BPGM: variants seen among roughly 807,000 people sequenced by gnomAD.
BPGM encodes the protein bisphosphoglycerate mutase.
Under a neutral mutation model 21.6 loss-of-function variants are expected in BPGM, and 15 were observed. The observed-to-expected ratio is 0.70, with a 90% CI of 0.47 to 1.07. BPGM has a LOEUF of 1.07. Ranked by LOEUF, BPGM falls within the 50% of genes least tolerant of loss-of-function variation. The pLI is 0.00. For missense variants in BPGM, 273 were observed against 319.0 expected, an observed-to-expected ratio of 0.86 and a Z score of 1.10; for synonymous variants, 113 against 116.2, an observed-to-expected ratio of 0.97 and a Z score of 0.18.
chr7:134,672,590 C>T (rs1795922617), intron 2 of BPGM, among the ~76,000 whole-genome samples: 1 of 152,118 alleles, frequency 6.6e-6, no homozygotes, highest in Non-Finnish European at 1.5e-5. Context: ...AGCAGTGTTT[C>T]CCTTTTCAGC....
chr7:134,667,694 G>A (rs900750401), intron 2 of BPGM, among the ~76,000 whole-genome samples: 10 of 152,170 alleles, frequency 6.6e-5, no homozygotes, highest in African/African-American at 2.4e-4. Flanking sequence ...ACTTGTGGCT[G>A]CAGATTCATC....
At position 134,661,246 on chromosome 7, in the gene BPGM, T is replaced by A. The variant is rs1270218175; in HGVS notation, c.-61-201T>A. On this transcript the variant is annotated intron_variant, in intron 1 of 2. Coordinates refer to ENST00000344924, the MANE Select transcript of BPGM (RefSeq NM_001724.5). This position sits in a 1 kb window ranked among gnomAD's most constrained non-coding sequence, Gnocchi z 4.6. ...AACATGCTATCCAAACATCAGAAAA[T>A]TTAAGTCAACTAGATTCCCTGTAAT... is the stretch of plus-strand genomic sequence containing the variant. Among the ~76,000 whole-genome samples the A allele has an allele frequency of 2.6e-5, 4 of 152,228 alleles. No individual in the cohort carries two copies. Among genetic ancestry groups the A allele is most frequent in the Non-Finnish European group, 5.9e-5 (4 of 68,050 alleles).
At chr7:134,668,890 T>A (rs1393637973) in intron 2 of BPGM, among the ~76,000 whole-genome samples, 2 of 99,494 alleles carry the variant, frequency 2.0e-5, no homozygotes, top group African/African-American at 9.9e-5. Context: ...TATCGGGAAA[T>A]AACAGATTGG....
At position 134,678,948 on chromosome 7, in the gene BPGM, C is replaced by G. The variant is rs1340360320; in HGVS notation, c.697C>G (p.Gln233Glu). The G allele has an allele frequency of 6.2e-7, 1 of 1,614,138 alleles. No individual in the cohort carries two copies. The highest frequency in any genetic ancestry group is 8.5e-7 in the Non-Finnish European group (1 of 1,180,000). The change falls in exon 3 of 3, where the codon CAG becomes GAG. Residue 233 changes from glutamine (Q) to glutamate (E), a missense_variant. Transcript: ENST00000344924. ...DENLRAVGPH[Q>E]FLGDQEAIQA... Reference sequence around the variant, plus strand: ...AAACCTGCGTGCTGTTGGGCCTCATCAGTTCCTGGGTGACCAAGAGGCGAT... The same window carrying G: ...AAACCTGCGTGCTGTTGGGCCTCATGAGTTCCTGGGTGACCAAGAGGCGAT...
At chr7:134,663,388 G>T (rs1265522981) in intron 2 of BPGM, among the ~76,000 whole-genome samples, 4 of 140,364 alleles carry the variant, frequency 2.8e-5, no homozygotes, top group African/African-American at 1.0e-4. Flanking sequence ...GTGTGTGTTT[G>T]TGTGTGTGCA....
intron 1 of BPGM, among the ~76,000 whole-genome samples, chr7:134,657,299 T>A (rs1189176285): frequency 6.6e-6 from 1 of 152,134 alleles, no homozygotes; most frequent in Non-Finnish European, 1.5e-5. Context: ...CTGCATAGGG[T>A]ACAGTGTGTG....
In BPGM at chr7:134,663,419, CAT is replaced by C. The variant is rs766607944; in HGVS notation, c.601+1312_601+1313del. Among the ~76,000 whole-genome samples the C allele has an allele frequency of 7.2e-4, 110 of 151,996 alleles. 1 individual carries two copies. Among genetic ancestry groups the C allele is most frequent in the Non-Finnish European group, 2.4e-4 (16 of 68,000 alleles). On this transcript the variant is annotated intron_variant, in intron 2 of 2. Transcript: ENST00000344924. The stretch of plus-strand genomic sequence containing the variant: ...GTGCACGTGCGCATGTGCGTGGGCA[CAT>C]GTGTATCTTATTTACTCAACTATAT...
chr7:134,663,663 T>A (rs10247058), intron 2 of BPGM, among the ~76,000 whole-genome samples: 15,907 of 152,052 alleles, frequency 0.1, 1,321 homozygotes, highest in African/African-American at 0.22. Context: ...GGTCTCAGAT[T>A]TATTGTGGCC....
At chr7:134,649,384 T>C (rs1795521228) in intron 1 of BPGM, among the ~76,000 whole-genome samples, 1 of 152,172 alleles carries the variant, frequency 6.6e-6, no homozygotes. Context: ...GGGTAGAGCT[T>C]TTAGTCTTTC....
chr7:134,677,924 G>C (rs1027197915), intron 2 of BPGM, among the ~76,000 whole-genome samples: 4 of 152,160 alleles, frequency 2.6e-5, no homozygotes, highest in Non-Finnish European at 2.9e-5. Context: ...TTTACTCTCT[G>C]TGTGATAATT....
At chr7:134,651,354 G>A (rs1795552370) in intron 1 of BPGM, among the ~76,000 whole-genome samples, 1 of 152,134 alleles carries the variant, frequency 6.6e-6, no homozygotes, top group African/African-American at 2.4e-5. Flanking sequence ...AGGGTCTTAG[G>A]CATTATTAAC....
Position 134,657,019 on chromosome 7 carries a change from A to G in BPGM, c.-61-4428A>G, listed in dbSNP as rs561689940. On this transcript the variant is annotated intron_variant, in intron 1 of 2. Coordinates refer to ENST00000344924, the MANE Select transcript of BPGM (RefSeq NM_001724.5). ...CCAAATGGGAGAAATTGGCCAAAAC[A>G]AAGGGGCTACAGCAGGCCCCATGCA... is the stretch of plus-strand genomic sequence containing the variant. Among the ~76,000 whole-genome samples the G allele has an allele frequency of 2.6e-5, 4 of 152,346 alleles. No individual in the cohort carries two copies. In the South Asian group the frequency reaches 8.3e-4, roughly 32 times the overall value.
At chr7:134,671,196 A>C (rs572792629) in intron 2 of BPGM, among the ~76,000 whole-genome samples, 65 of 152,242 alleles carry the variant, frequency 4.3e-4, no homozygotes, top group African/African-American at 1.5e-3. Context: ...GGTCTTGTTC[A>C]TGGTACAAGG....
In BPGM at chr7:134,679,099, ACTCT is replaced by A. The variant is rs762888396; in HGVS notation, c.*75_*78del. On this transcript the variant is annotated 3_prime_UTR_variant, in exon 3 of 3. Coordinates refer to ENST00000344924, the MANE Select transcript of BPGM (RefSeq NM_001724.5). ...CATAGGAGTGTGTTATGGGTGCTGA[ACTCT>A]CTCTCTTTTTCCCCGATTTTCCAGA... 2.7e-5 allele frequency: 42 copies of A among 1,545,892 alleles called. No homozygotes were observed. The highest frequency in any genetic ancestry group is 1.0e-4 in the South Asian group (9 of 88,458).
At chr7:134,673,944 G>T (rs1200403155) in intron 2 of BPGM, among the ~76,000 whole-genome samples, 2 of 127,230 alleles carry the variant, frequency 1.6e-5, no homozygotes, top group Middle Eastern at 5.1e-3. Context: ...ACAGAGTCTT[G>T]CTGTGTCACC....
At chr7:134,654,872 TA>T (rs1245048397) in intron 1 of BPGM, among the ~76,000 whole-genome samples, 1 of 151,856 alleles carries the variant, frequency 6.6e-6, no homozygotes, top group African/African-American at 2.4e-5. Flanking sequence ...GTCAGGAAAC[TA>T]AAAAAGGAAT....
Position 134,679,147 on chromosome 7 carries a change from G to A in BPGM, c.*116G>A. On this transcript the variant is annotated 3_prime_UTR_variant, in exon 3 of 3. Transcript: ENST00000344924. ...TTCCAGAGCTAGGCTGTGGAGTAGAGTTTGTATAGGTAACTAGGTAACTTA... is the reference window on the plus strand; with the variant it reads ...TTCCAGAGCTAGGCTGTGGAGTAGAATTTGTATAGGTAACTAGGTAACTTA... 1.7e-6 allele frequency: 2 copies of A among 1,181,352 alleles called. No individual in the cohort carries two copies. Among genetic ancestry groups the A allele is most frequent in the Admixed American group, 2.1e-5 (1 of 47,944 alleles). The allele number at this position is 1,181,352 out of a possible 1,614,324, so 73.2% of individuals were successfully genotyped here.
chr7:134,647,274 A>C (rs926567132), intron 1 of BPGM: 3 of 152,282 alleles, frequency 2.0e-5, no homozygotes, highest in African/African-American at 7.2e-5. Context: ...TGTGTAGCAG[A>C]GCCCTTCCAA....
At chr7:134,671,488 A>G (rs529302861) in intron 2 of BPGM, among the ~76,000 whole-genome samples, 18 of 151,624 alleles carry the variant, frequency 1.2e-4, no homozygotes, top group African/African-American at 4.1e-4. Flanking sequence ...CAGCCTCCCA[A>G]GTAGCTGGGA....
Sources: allele counts gnomAD v4.1 joint callset (sites outside exome capture counted in the v4.1 genomes callset), GRCh38; gene constraint gnomAD v4.1.1; non-coding constraint Gnocchi (gnomAD v3.1); transcripts MANE v1.5; gene names NCBI Gene and HGNC (gene_info 2026-07-23, HGNC 2026-07-21).